Variants in DENND4C observed in about 807,000 individuals in gnomAD.
The protein encoded by DENND4C is DENN domain-containing protein 4C.
Under a neutral mutation model 203.0 loss-of-function variants are expected in DENND4C, and 108 were observed. That is an observed-to-expected ratio of 0.53 (90% confidence interval 0.46 to 0.62). The LOEUF (loss-of-function observed/expected upper bound fraction) is 0.62, where lower values mean the gene tolerates loss of function less well. Ranked by LOEUF, DENND4C falls within the 20% of genes least tolerant of loss-of-function variation. DENND4C has a pLI of 0.00. For missense variants in DENND4C, 2,481 were observed against 2,301.2 expected (o/e 1.08, Z -1.60); for synonymous variants, 871 against 792.4 (o/e 1.10, Z -1.67).
In DENND4C at chr9:19,295,111, C is replaced by G. The variant is rs186049446; in HGVS notation, c.802-897C>G. Among the ~76,000 whole-genome samples the G allele has an allele frequency of 2.0e-3, 312 of 152,316 alleles. 2 individuals carry two copies. Among genetic ancestry groups the G allele is most frequent in the African/African-American group, 7.2e-3 (300 of 41,558 alleles). On this transcript the variant is annotated intron_variant, in intron 5 of 32. Coordinates refer to ENST00000434457, the MANE Select transcript of DENND4C (RefSeq NM_001330640.2). ...CACAGGCCGGGTGCAGTGGCTCATG[C>G]CTATAATCCCAGCACTTTGGGAGGC...
intron 29 of DENND4C, among the ~76,000 whole-genome samples, chr9:19,361,181 C>A (rs372628799): frequency 6.6e-6 from 1 of 152,168 alleles, no homozygotes; most frequent in Non-Finnish European, 1.5e-5. Flanking sequence ...TTATTCTTAA[C>A]TGTTCTGTTC....
At chr9:19,259,189 TATTC>T (rs1006351320) in intron 1 of DENND4C, among the ~76,000 whole-genome samples, 2 of 152,176 alleles carry the variant, frequency 1.3e-5, no homozygotes, top group African/African-American at 4.8e-5. Context: ...TACTAGATCT[TATTC>T]ATTCTAACCC....
chr9:19,257,905 T>C (rs1311494477), intron 1 of DENND4C, among the ~76,000 whole-genome samples: 1 of 152,058 alleles, frequency 6.6e-6, no homozygotes, highest in Non-Finnish European at 1.5e-5. Context: ...GGAGAATCGC[T>C]TGAGCCCAGG....
At chr9:19,320,013 C>A (rs1842612655) in intron 12 of DENND4C, among the ~76,000 whole-genome samples, 1 of 152,058 alleles carries the variant, frequency 6.6e-6, no homozygotes, top group Non-Finnish European at 1.5e-5. Context: ...ACTTGTATTC[C>A]TGTAAACTTG....
intron 31 of DENND4C, among the ~76,000 whole-genome samples, chr9:19,370,683 GAGAT>G (rs1828659585): frequency 6.6e-6 from 1 of 152,196 alleles, no homozygotes; most frequent in African/African-American, 2.4e-5. Flanking sequence ...ATGTAGCAAA[GAGAT>G]AGACGCAGTG....
rs574942872 is a variant in DENND4C, at chr9:19,288,001, T to G, written c.559-595T>G. Among the ~76,000 whole-genome samples, 4 of 152,360 alleles carry G rather than the reference T, an allele frequency of 2.6e-5. No individual in the cohort carries two copies. In the South Asian group the frequency reaches 8.3e-4, roughly 32 times the overall value. On this transcript the variant is annotated intron_variant, in intron 3 of 32. Transcript: ENST00000434457. ...CACCTGCCTCAGCTTCCCAAAGTGC[T>G]GGGATTACAGGCGCAAGCCACCACA...
intron 9 of DENND4C, among the ~76,000 whole-genome samples, chr9:19,304,207 C>G (rs1173475087): frequency 3.0e-5 from 4 of 132,398 alleles, no homozygotes; most frequent in Non-Finnish European, 6.3e-5. Context: ...TTTTTTGAGA[C>G]AGAGTCTTGC....
intron 12 of DENND4C, among the ~76,000 whole-genome samples, chr9:19,319,693 A>G (rs1056967778): frequency 2.0e-5 from 3 of 152,044 alleles, no homozygotes; most frequent in Admixed American, 6.6e-5. Context: ...TCTAGGCCCT[A>G]AAGTTTTATT....
At position 19,300,284 on chromosome 9, in the gene DENND4C, T is replaced by G. The variant is rs951456913; in HGVS notation, c.1264T>G (p.Ser422Ala). The G allele has an allele frequency of 6.2e-7, 1 of 1,611,898 alleles. No individual in the cohort carries two copies. The highest frequency in any genetic ancestry group is 8.5e-7 in the Non-Finnish European group (1 of 1,178,460). ...VLLESKILLHSLRPAVLTGVA... is the reference protein window; with the variant it reads ...VLLESKILLHALRPAVLTGVA... ...ACTTGAGAGTAAAATTCTGCTGCAT[T>G]CTCTTAGGCCAGCTGTCTTGACTGG... is the stretch of plus-strand genomic sequence containing the variant. Residue 422 changes from serine (S) to alanine (A), a missense_variant, in exon 9 of 33, where the codon TCT becomes GCT. Physicochemically the swap from Ser to Ala is moderately conservative, Grantham distance 99. Around this residue, in one of 3 missense-constraint regions of DENND4C, gnomAD observed 2,289 missense variants for 2,113.3 expected, o/e 1.08. Transcript: ENST00000434457.
chr9:19,363,377 G>A (rs977702143), intron 30 of DENND4C, among the ~76,000 whole-genome samples: 3 of 152,058 alleles, frequency 2.0e-5, no homozygotes, highest in Non-Finnish European at 4.4e-5. Context: ...GCTGGGCGTG[G>A]TGGTGGGCAC....
At chr9:19,296,484 C>G (rs1204527318) in intron 6 of DENND4C, among the ~76,000 whole-genome samples, 1 of 151,860 alleles carries the variant, frequency 6.6e-6, no homozygotes, top group Non-Finnish European at 1.5e-5. Flanking sequence ...CTGTGTCAGC[C>G]TCCCGAGTAG....
chr9:19,288,670 G>A lies in DENND4C; in HGVS notation c.628+5G>A. The stretch of plus-strand genomic sequence containing the variant: ...ATGCAATAGCATATAAGGCTGGTAA[G>A]TGAGTTAAAAAAAATTGTCTCAATT... On this transcript the variant is annotated splice_donor_5th_base_variant and intron_variant, in intron 4 of 32. Coordinates refer to ENST00000434457, the MANE Select transcript of DENND4C (RefSeq NM_001330640.2). 8.1e-7 allele frequency: 1 copy of A among 1,231,038 alleles called. No homozygotes were observed. The highest frequency in any genetic ancestry group is 1.0e-6 in the Non-Finnish European group (1 of 987,120). 76.3% of individuals were successfully genotyped at this position (1,231,038 alleles called of 1,614,324 possible). A position where few individuals can be genotyped will look rare whatever the true frequency, so the allele number is the denominator to read the frequency against.
intron 16 of DENND4C, among the ~76,000 whole-genome samples, chr9:19,330,696 A>G (rs1279710539): frequency 1.3e-5 from 2 of 151,968 alleles, no homozygotes; most frequent in Non-Finnish European, 2.9e-5. Flanking sequence ...AGAGCATAAA[A>G]TGGCATTCTG....
chr9:19,312,388 C>T (rs1333447997), intron 10 of DENND4C, among the ~76,000 whole-genome samples: 1 of 152,100 alleles, frequency 6.6e-6, no homozygotes, highest in Non-Finnish European at 1.5e-5. Context: ...AAGGTGTGAG[C>T]CACCATGCCC....
chr9:19,232,175 G>A (rs535860023), intron 1 of DENND4C, among the ~76,000 whole-genome samples: 2 of 152,068 alleles, frequency 1.3e-5, no homozygotes, highest in Non-Finnish European at 1.5e-5. Flanking sequence ...GTAAACTGCC[G>A]TCTTGCTGTG....
intron 9 of DENND4C, 77 bp downstream of exon 9, chr9:19,300,408 A>G: frequency 7.6e-7 from 1 of 1,316,880 alleles, no homozygotes; most frequent in Non-Finnish European, 1.0e-6. Context: ...CTTCAAAAAC[A>G]GCAACTTTGT....
chr9:19,286,298 A>G (rs978124852), intron 2 of DENND4C, among the ~76,000 whole-genome samples: 7 of 152,074 alleles, frequency 4.6e-5, no homozygotes, highest in African/African-American at 1.2e-4. Context: ...TAAGCATGAG[A>G]TGTCTTATTT....
At position 19,346,445 on chromosome 9, in the gene DENND4C, G is replaced by T. The variant is rs1563826987; in HGVS notation, c.3676G>T (p.Asp1226Tyr). The change falls in exon 23 of 33, where the codon GAT becomes TAT. Residue 1226 changes from aspartate to tyrosine, a missense_variant. Physicochemically the swap from Asp to Tyr is radical, Grantham distance 160 (BLOSUM62 -3). Transcript: ENST00000434457. ...QSRDLKTVSK[D>Y]LRNKRSSLYG... ...CAGAGACTTGAAAACAGTATCCAAA[G>T]ATCTGAGGAATAAGAGAAGTAGTTT... 1 of 1,614,136 alleles carries T rather than the reference G, an allele frequency of 6.2e-7. No individual in the cohort carries two copies. Among genetic ancestry groups the T allele is most frequent in the Non-Finnish European group, 8.5e-7 (1 of 1,180,018 alleles).
chr9:19,307,820 T>G (rs1005068263), intron 10 of DENND4C, among the ~76,000 whole-genome samples: 23 of 150,302 alleles, frequency 1.5e-4, no homozygotes, highest in Non-Finnish European at 3.3e-4. Flanking sequence ...AATCCCTAGA[T>G]AGTCCTCCAC....
Sources: gnomAD v4.1 joint callset for allele counts (sites outside exome capture counted in the v4.1 genomes callset) on GRCh38, gnomAD v4.1.1 for gene constraint, gnomAD v4.1.1 regional missense constraint, MANE v1.5 for transcripts, NCBI Gene and HGNC (gene_info 2026-07-23, HGNC 2026-07-21) for gene names.